Variants in ATXN7 observed in about 807,000 individuals in gnomAD.
The protein encoded by ATXN7 is ataxin 7, also known as ataxin-7.
In ATXN7, 12 loss-of-function variants were observed where a neutral mutation model predicts 70.5. The ratio of observed to expected loss-of-function variants is 0.17; its 90% CI spans 0.11 to 0.28. The LOEUF (loss-of-function observed/expected upper bound fraction) is 0.28, where lower values mean the gene tolerates loss of function less well. Ranked by LOEUF, ATXN7 falls within the 10% of genes least tolerant of loss-of-function variation. The pLI is 1.00. For missense variants in ATXN7, 1,256 were observed against 1,131.7 expected, an observed-to-expected ratio of 1.11 and a Z score of -1.58; for synonymous variants, 498 against 448.7, an observed-to-expected ratio of 1.11 and a Z score of -1.39.
chr3:63,962,812 G>A (rs933938339), intron 5 of ATXN7, among the ~76,000 whole-genome samples: 1 of 151,964 alleles, frequency 6.6e-6, no homozygotes, highest in African/African-American at 2.4e-5. Context: ...GTGGTCTGTT[G>A]TGCTACTTGA....
chr3:63,973,600 C>T (rs1454519729), intron 5 of ATXN7, among the ~76,000 whole-genome samples: 1 of 152,140 alleles, frequency 6.6e-6, no homozygotes, highest in Non-Finnish European at 1.5e-5. Context: ...CTCGGCCACG[C>T]TGGGTGTGCC....
chr3:63,916,583 A>G (rs1704276372), intron 4 of ATXN7, among the ~76,000 whole-genome samples: 1 of 152,176 alleles, frequency 6.6e-6, no homozygotes, highest in Non-Finnish European at 1.5e-5. Flanking sequence ...CTTGATTTAG[A>G]TGGAGGGAAA....
At chr3:63,933,431 A>G (rs1439860624) in intron 4 of ATXN7, among the ~76,000 whole-genome samples, 2 of 152,222 alleles carry the variant, frequency 1.3e-5, no homozygotes, top group African/African-American at 2.4e-5. Flanking sequence ...TTCATCCAGC[A>G]TCTGAAAGTA....
At chr3:63,925,516 T>C (rs1014496222) in intron 4 of ATXN7, among the ~76,000 whole-genome samples, 3 of 152,136 alleles carry the variant, frequency 2.0e-5, no homozygotes, top group Non-Finnish European at 2.9e-5. Context: ...ATTATGAGAA[T>C]CTAATGCCTG....
chr3:63,890,111 A>G (rs1332335322), intron 1 of ATXN7, among the ~76,000 whole-genome samples: 1 of 152,194 alleles, frequency 6.6e-6, no homozygotes, highest in Non-Finnish European at 1.5e-5. Context: ...GAAAAATTTC[A>G]TTAATGATAC....
rs546603553 is a variant in ATXN7, at chr3:63,999,621, C to T, written c.*154C>T. ...GAAACCTGCCGGGCTGTTGTTTTAA[C>T]GAGGATTTCCCTGAAGCTATGTCTC... On this transcript the variant is annotated 3_prime_UTR_variant, in exon 13 of 13. Coordinates refer to ENST00000674280, the MANE Select transcript of ATXN7 (RefSeq NM_001377405.1). 5.4e-5 allele frequency: 74 copies of T among 1,367,526 alleles called. No homozygotes were observed. Among genetic ancestry groups the T allele is most frequent in the East Asian group, 1.7e-4 (7 of 40,000 alleles). The allele number at this position is 1,367,526 out of a possible 1,614,324, so 84.7% of individuals were successfully genotyped here.
Position 63,931,020 on chromosome 3 carries a change from C to T in ATXN7, c.394+17795C>T, listed in dbSNP as rs562564232. 1.1e-4 allele frequency among the ~76,000 whole-genome samples: 17 copies of T among 152,218 alleles called. No individual in the cohort carries two copies. The South Asian group carries it at 3.1e-3, about 28-fold the overall frequency. On this transcript the variant is annotated intron_variant, in intron 4 of 12. Coordinates refer to ENST00000674280, the MANE Select transcript of ATXN7 (RefSeq NM_001377405.1). ...AGTAGAATGATGCTGTTTCAAAGAA[C>T]TGCTAAGAAAAGGTGAGACACAAGG...
chr3:63,884,816 A>ATT (rs572912704), intron 1 of ATXN7, among the ~76,000 whole-genome samples: 2 of 143,566 alleles, frequency 1.4e-5, no homozygotes, highest in Admixed American at 7.0e-5. Flanking sequence ...TGCCCAGCTA[A>ATT]TTTTTTTTTT....
At chr3:63,922,471 A>G (rs1246919071) in intron 4 of ATXN7, among the ~76,000 whole-genome samples, 1 of 152,198 alleles carries the variant, frequency 6.6e-6, no homozygotes, top group East Asian at 1.9e-4. Context: ...TTTCCTGCTT[A>G]TGCAGAGTTG....
chr3:63,963,009 G>A (rs1024007393), intron 5 of ATXN7, among the ~76,000 whole-genome samples: 5 of 148,616 alleles, frequency 3.4e-5, no homozygotes, highest in Middle Eastern at 3.4e-3. Flanking sequence ...CCCACCTCCC[G>A]GGCTCAAGCA....
intron 4 of ATXN7, among the ~76,000 whole-genome samples, chr3:63,932,435 T>C (rs2074565942): frequency 2.6e-5 from 4 of 152,164 alleles, no homozygotes. Context: ...CTGAAGTTAT[T>C]TGTAAATTAA....
chr3:63,899,883 C>T (rs1703570183), intron 2 of ATXN7, among the ~76,000 whole-genome samples: 1 of 152,124 alleles, frequency 6.6e-6, no homozygotes, highest in Non-Finnish European at 1.5e-5. Context: ...TCCCAAAGTG[C>T]TGGGATTACA....
intron 12 of ATXN7, chr3:63,998,050 A>G (rs2075788087): frequency 1.0e-6 from 1 of 985,300 alleles, no homozygotes; most frequent in African/African-American, 1.7e-5. Context: ...CCGATTCTTC[A>G]ACGCACCGTC....
At chr3:63,989,814 A>G (rs1010836456) in intron 9 of ATXN7, among the ~76,000 whole-genome samples, 2 of 152,208 alleles carry the variant, frequency 1.3e-5, no homozygotes, top group Non-Finnish European at 2.9e-5. Flanking sequence ...TTTATTGTGT[A>G]GGTAAACCAA....
chr3:63,883,036 A>G (rs919387171), intron 1 of ATXN7, among the ~76,000 whole-genome samples: 4 of 152,218 alleles, frequency 2.6e-5, no homozygotes, highest in East Asian at 3.9e-4. Context: ...TTAGACAGCT[A>G]TAGACATGGA....
At chr3:63,926,698 G>A (rs920951443) in intron 4 of ATXN7, among the ~76,000 whole-genome samples, 1 of 151,984 alleles carries the variant, frequency 6.6e-6, no homozygotes, top group Admixed American at 6.6e-5. Context: ...TCCCACTGAC[G>A]GGCTACTGCT....
chr3:63,910,877 A>C (rs1485533973), intron 2 of ATXN7, among the ~76,000 whole-genome samples: 1 of 151,726 alleles, frequency 6.6e-6, no homozygotes, highest in East Asian at 1.9e-4. Flanking sequence ...TGCGCTTTTA[A>C]ATTTTGAACC....
intron 5 of ATXN7, among the ~76,000 whole-genome samples, chr3:63,954,331 G>A (rs996485157): frequency 7.2e-5 from 11 of 152,218 alleles, no homozygotes; most frequent in African/African-American, 2.4e-4. Context: ...CAAGGTTGAC[G>A]TGAGCAAGCA....
At chr3:63,989,444 T>C (rs1434229431) in intron 9 of ATXN7, among the ~76,000 whole-genome samples, 10 of 152,220 alleles carry the variant, frequency 6.6e-5, no homozygotes. Context: ...TCTTAGAGCA[T>C]TTTGCAAATT....
Sources: allele counts gnomAD v4.1 joint callset (sites outside exome capture counted in the v4.1 genomes callset), GRCh38; gene constraint gnomAD v4.1.1; transcripts MANE v1.5; gene names NCBI Gene and HGNC (gene_info 2026-07-23, HGNC 2026-07-21).